The following NCL variants were observed in gnomAD, a reference collection of about 807,000 sequenced individuals.
NCL encodes nucleolin multifunctional protein.
A neutral mutation model predicts 77.7 loss-of-function variants in NCL; 4 were observed. That is an observed-to-expected ratio of 0.05 (90% CI 0.03 to 0.12). The LOEUF is 0.12. Ranked by LOEUF, NCL falls within the 10% of genes least tolerant of loss-of-function variation. The probability of loss-of-function intolerance (pLI) is 1.00; values close to 1 mark genes in which losing one functional copy is unlikely to be tolerated. For missense variants in NCL, 763 were observed against 860.9 expected (o/e 0.89, Z 1.42); for synonymous variants, 344 against 297.8 (o/e 1.16, Z -1.60).
intron 5 of NCL, 65 bp from the exon 6 acceptor site, chr2:231,460,358 A>G (rs1264243590): frequency 6.2e-7 from 1 of 1,606,810 alleles, no homozygotes; most frequent in Admixed American, 1.7e-5. Flanking sequence ...CCAAAGCAAA[A>G]TTTCTATACA....
chr2:231,458,195 T>A, intron 8 of NCL, 71 bp downstream of exon 8: 3 of 1,562,226 alleles, frequency 1.9e-6, no homozygotes, highest in Non-Finnish European at 1.7e-6. Flanking sequence ...ATCAAACCAA[T>A]ATTTCTTTTA....
chr2:231,458,458 A>G, intron 7 of NCL, 69 bp from the exon 8 acceptor site: 1 of 1,561,374 alleles, frequency 6.4e-7, no homozygotes, highest in South Asian at 1.1e-5. Flanking sequence ...CAACAAAAAG[A>G]GGGGAAAAAC....
Position 231,457,126 on chromosome 2 carries a change from T to TGCAAATAGAGATG in NCL, c.1448-15_1448-3dup. On this transcript the variant is annotated splice_polypyrimidine_tract_variant and splice_region_variant and intron_variant, in intron 9 of 13. Transcript: ENST00000322723. ...TTAAAACCAGAGTTTTTGATTCACC[T>TGCAAATAGAGATG]GCAAATAGAGATGCCACATTCCTAA... 6.2e-7 allele frequency: 1 copy of TGCAAATAGAGATG among 1,613,670 alleles called. No individual in the cohort carries two copies. The highest frequency in any genetic ancestry group is 8.5e-7 in the Non-Finnish European group (1 of 1,179,852).
In NCL at chr2:231,455,230, ACCT is replaced by A. The variant is rs750871807; in HGVS notation, c.2091_2093del (p.Gly698del). ...TCTTCTTTCCTTGTGGCTTGTGGTC[ACCT>A]CCTCCTCCTCTGCCTCCTCGGAAGC... On this transcript the variant is annotated inframe_deletion, in exon 14 of 14. Coordinates refer to ENST00000322723, the MANE Select transcript of NCL (RefSeq NM_005381.3). 1.4e-5 allele frequency: 22 copies of A among 1,614,042 alleles called. 1 individual carries two copies. The highest frequency in any genetic ancestry group is 3.3e-4 in the Middle Eastern group (2 of 6,056).
chr2:231,463,301 C>T lies in NCL; in HGVS notation c.34G>A (p.Gly12Ser). 2 of 1,610,128 alleles carry T rather than the reference C, an allele frequency of 1.2e-6. No homozygotes were observed. Among genetic ancestry groups the T allele is most frequent in the African/African-American group, 1.3e-5 (1 of 74,840 alleles). ...GGAGGAGCCATTTTCTTGGGGTCAC[C>T]TTGATTTTTACCTGCCTAAAATGGA... ...VKLAKAGKNQ[G>S]DPKKMAPPPK... Residue 12 changes from glycine (G) to serine (S), a missense_variant, in exon 2 of 14, where the codon GGT becomes AGT. Physicochemically the swap from Gly to Ser is moderately conservative, Grantham distance 56. Transcript: ENST00000322723.
At chr2:231,459,445 A>G (rs1272496732) in intron 6 of NCL, among the ~76,000 whole-genome samples, 1 of 152,218 alleles carries the variant, frequency 6.6e-6, no homozygotes, top group Non-Finnish European at 1.5e-5. Context: ...AGTATTCACT[A>G]TGATGACTAG....
At chr2:231,464,208 G>A in intron 1 of NCL, 128 bp downstream of exon 1, 1 of 1,480,458 alleles carries the variant, frequency 6.8e-7, no homozygotes, top group African/African-American at 1.4e-5. Flanking sequence ...CTAATCGCGC[G>A]AGACTTCCCG....
chr2:231,458,901 TA>T, intron 7 of NCL, 99 bp downstream of exon 7: 4 of 1,300,050 alleles, frequency 3.1e-6, no homozygotes, highest in South Asian at 3.8e-5. Flanking sequence ...AAAAATGATT[TA>T]AAAAAATAAG....
At chr2:231,463,646 C>T (rs2854873) in intron 1 of NCL, 2 of 273,606 alleles carry the variant, frequency 7.3e-6, no homozygotes, top group Non-Finnish European at 6.9e-6. Flanking sequence ...CTACCACCCT[C>T]ATCTGAATCC....
chr2:231,458,927 A>C, intron 7 of NCL, 74 bp downstream of exon 7: 15 of 1,377,720 alleles, frequency 1.1e-5, no homozygotes, highest in Non-Finnish European at 1.4e-5. Flanking sequence ...AACCAAGGGA[A>C]ATGGGTTACA....
At chr2:231,460,372 C>T (rs1467614484) in intron 5 of NCL, 79 bp from the exon 6 acceptor site, 1 of 1,593,476 alleles carries the variant, frequency 6.3e-7, no homozygotes, top group Non-Finnish European at 8.6e-7. Context: ...CTATACACAG[C>T]ACATCAGCAC....
At chr2:231,458,849 T>C (rs901116828) in intron 7 of NCL, 152 bp downstream of exon 7, 28 of 844,904 alleles carry the variant, frequency 3.3e-5, no homozygotes, top group Non-Finnish European at 4.6e-5. Context: ...TTGTAAACAC[T>C]GTAGCTCATT....
chr2:231,456,133 G>C lies in NCL; in HGVS notation c.1709C>G (p.Pro570Arg). Residue 570 changes from proline to arginine, a missense_variant, in exon 12 of 14, where the codon CCA becomes CGA. Physicochemically the swap from Pro to Arg is moderately radical, Grantham distance 103. Around this residue, in one of 2 missense-constraint regions of NCL, gnomAD observed 173 missense variants for 290.4 expected, o/e 0.60. Transcript: ENST00000322723. ...PRGSPNARSQ[P>R]SKTLFVKGLS... ...GCCTTTGACAAACAGAGTTTTGGAT[G>C]GCTCTGGGAAGGAAAAAAAAATGTG... 1 of 1,603,542 alleles carries C rather than the reference G, an allele frequency of 6.2e-7. No homozygotes were observed. The highest frequency in any genetic ancestry group is 8.5e-7 in the Non-Finnish European group (1 of 1,176,082).
rs780789785 is a variant in NCL, at chr2:231,460,302, A to G, written c.899-9T>C. The G allele has an allele frequency of 1.2e-6, 2 of 1,613,880 alleles. No homozygotes were observed. Among genetic ancestry groups the G allele is most frequent in the East Asian group, 4.5e-5 (2 of 44,894 alleles). On this transcript the variant is annotated splice_polypyrimidine_tract_variant and intron_variant, in intron 5 of 13. Coordinates refer to ENST00000322723, the MANE Select transcript of NCL (RefSeq NM_005381.3). ...CGTAGTCGGTTCTGTGCCTGCACAA[A>G]AAAAGCTCAACTCAGTCTACTTGTA...
intron 13 of NCL, 44 bp from the exon 14 acceptor site, chr2:231,455,311 G>A (rs369739908): frequency 6.2e-7 from 1 of 1,613,652 alleles, no homozygotes; most frequent in African/African-American, 1.3e-5. Context: ...TGGGTACAAA[G>A]CTCCTCCTCC....
chr2:231,463,390 T>C, intron 1 of NCL, 74 bp from the exon 2 acceptor site: 1 of 904,060 alleles, frequency 1.1e-6, no homozygotes, highest in Non-Finnish European at 1.8e-6. Flanking sequence ...CCATTAGTGT[T>C]CATACGCCAT....
At chr2:231,462,579 T>G (rs1347417528) in intron 2 of NCL, 2 of 514,886 alleles carry the variant, frequency 3.9e-6, no homozygotes, top group African/African-American at 3.9e-5. Context: ...TTTAGCTACA[T>G]TAAAATCCCG....
rs780842996 is a variant in NCL, at chr2:231,460,231, G to A, written c.961C>T (p.Pro321Ser). The A allele has an allele frequency of 1.2e-5, 20 of 1,614,038 alleles. No homozygotes were observed. The highest frequency in any genetic ancestry group is 3.3e-5 in the Admixed American group (2 of 60,002). ...TCGCTGATACCAGTTTTTAATTCAG[G>A]AGCAGATTTGTTAAAGTTTAGGTTT... Reference protein sequence around the residue: ...VGNLNFNKSAPELKTGISDVF... With the variant: ...VGNLNFNKSASELKTGISDVF... Residue 321 changes from proline (P) to serine (S), a missense_variant, in exon 6 of 14, where the codon CCT (proline) becomes TCT (serine). Transcript: ENST00000322723.
Position 231,455,630 on chromosome 2 carries a change from A to C in NCL, c.1833-6T>G, listed in dbSNP as rs771391261. On this transcript the variant is annotated splice_region_variant and splice_polypyrimidine_tract_variant and intron_variant, in intron 12 of 13. Coordinates refer to ENST00000322723, the MANE Select transcript of NCL (RefSeq NM_005381.3). Reference sequence around the variant, plus strand: ...TGAAGTCTACAAAACCAAACCTAGAACACCAAATGAAATTGCCCATTATAA... The same window carrying C: ...TGAAGTCTACAAAACCAAACCTAGACCACCAAATGAAATTGCCCATTATAA... The C allele has an allele frequency of 1.2e-6, 2 of 1,613,804 alleles. No homozygotes were observed. Among genetic ancestry groups the C allele is most frequent in the South Asian group, 1.1e-5 (1 of 91,080 alleles).
Sources: gnomAD v4.1 joint callset for allele counts (sites outside exome capture counted in the v4.1 genomes callset) on GRCh38, gnomAD v4.1.1 for gene constraint, gnomAD v4.1.1 regional missense constraint, MANE v1.5 for transcripts, NCBI Gene and HGNC (gene_info 2026-07-23, HGNC 2026-07-21) for gene names.